ZHX1: variants seen among roughly 807,000 people sequenced by gnomAD.
ZHX1 encodes zinc fingers and homeoboxes protein 1.
In ZHX1, 20 loss-of-function variants were observed where a neutral mutation model predicts 61.8. That is an observed-to-expected ratio of 0.32 (90% CI 0.23 to 0.47). The LOEUF (loss-of-function observed/expected upper bound fraction) is 0.47. ZHX1 is among the 20% of genes least tolerant of loss of function. The pLI is 1.00. For missense variants in ZHX1, 800 were observed against 1,034.8 expected (o/e 0.77, Z 3.11); for synonymous variants, 318 against 352.6 (o/e 0.90, Z 1.10).
intron 3 of ZHX1, 122 bp from the exon 4 acceptor site, chr8:123,250,442 A>G (rs1472935917): frequency 1.2e-5 from 4 of 336,184 alleles, no homozygotes; most frequent in Non-Finnish European, 2.3e-5. Flanking sequence ...TACCTGCCAC[A>G]TATGTCTTCC....
rs148194970 is a variant in ZHX1, at chr8:123,269,089, T to C, written c.-339-1703A>G. ...TGTAGCCTGGGACTCTACAGTTTCA[T>C]TTCCTGGTATCTCCTTGTTCCGCCA... On this transcript the variant is annotated intron_variant, in intron 1 of 3. Coordinates refer to ENST00000395571, the MANE Select transcript of ZHX1 (RefSeq NM_007222.5). 1.6e-3 allele frequency among the ~76,000 whole-genome samples: 247 copies of C among 152,342 alleles called. 1 individual carries two copies. Among genetic ancestry groups the C allele is most frequent in the African/African-American group, 5.8e-3 (242 of 41,582 alleles).
At chr8:123,251,134 A>G (rs1825905220) in intron 3 of ZHX1, among the ~76,000 whole-genome samples, 1 of 152,174 alleles carries the variant, frequency 6.6e-6, no homozygotes, top group Non-Finnish European at 1.5e-5. Flanking sequence ...GTGAGTTCTC[A>G]GGAGATCTGG....
At chr8:123,261,225 G>C (rs901580603) in intron 2 of ZHX1, among the ~76,000 whole-genome samples, 2 of 152,044 alleles carry the variant, frequency 1.3e-5, no homozygotes, top group Admixed American at 1.3e-4. Flanking sequence ...AGGTATCCTC[G>C]GAATTATTAT....
intron 2 of ZHX1, among the ~76,000 whole-genome samples, chr8:123,256,572 T>C (rs941420988): frequency 6.6e-6 from 1 of 152,142 alleles, no homozygotes; most frequent in Non-Finnish European, 1.5e-5. Flanking sequence ...AAATTCAGCC[T>C]GGCCAACATG....
Position 123,254,243 on chromosome 8 carries a change from A to C in ZHX1, c.1704T>G (p.Thr568=). Residue 568 remains threonine (T), a synonymous_variant, in exon 3 of 4, where the codon ACT becomes ACG. Coordinates refer to ENST00000395571, the MANE Select transcript of ZHX1 (RefSeq NM_007222.5). This position sits in a 1 kb window ranked among gnomAD's most constrained non-coding sequence, Gnocchi z 4.1. The stretch of plus-strand genomic sequence containing the variant: ...CAGTTTTCTCTTTAAACTTTTGGGG[A>C]GTAAAGTCAGGAAAAGGATTCCAGG... ...KQSWNPFPDF[T]PQKFKEKTAE... 1 of 1,614,134 alleles carries C rather than the reference A, an allele frequency of 6.2e-7. No individual in the cohort carries two copies. The highest frequency in any genetic ancestry group is 8.5e-7 in the Non-Finnish European group (1 of 1,180,026).
chr8:123,253,902 G>A lies in ZHX1; in HGVS notation c.2045C>T (p.Thr682Ile). The A allele has an allele frequency of 2.5e-6, 4 of 1,614,194 alleles. No individual in the cohort carries two copies. The highest frequency in any genetic ancestry group is 3.4e-6 in the Non-Finnish European group (4 of 1,180,030). ...LHMLKSAFVR[T>I]QWPSPEEYDK... Reference sequence around the variant, plus strand: ...ATACTCTTCTGGTGATGGCCACTGTGTCCGGACAAATGCACTCTTAAGCAT... The same window carrying A: ...ATACTCTTCTGGTGATGGCCACTGTATCCGGACAAATGCACTCTTAAGCAT... Residue 682 changes from threonine (T) to isoleucine (I), a missense_variant, in exon 3 of 4, where the codon ACA becomes ATA. Physicochemically the swap from Thr to Ile is moderately conservative, Grantham distance 89. Transcript: ENST00000395571.
Position 123,254,110 on chromosome 8 carries a change from C to T in ZHX1, c.1837G>A (p.Asp613Asn), listed in dbSNP as rs1012005221. Residue 613 changes from aspartate (D) to asparagine (N), a missense_variant, in exon 3 of 4, where the codon GAT becomes AAT. Coordinates refer to ENST00000395571, the MANE Select transcript of ZHX1 (RefSeq NM_007222.5). The surrounding 1 kb of genome is among the most constrained non-coding windows in gnomAD (Gnocchi z 4.1). ...TTCTTCTTCTCTGTAAACCAAGCAT[C>T]GATTTCTCTTCTGGTAAGTTTGGTT... ...AQTKLTRREI[D>N]AWFTEKKKSK... 15 of 1,613,980 alleles carry T rather than the reference C, an allele frequency of 9.3e-6. No individual in the cohort carries two copies. Among genetic ancestry groups the T allele is most frequent in the South Asian group, 2.2e-5 (2 of 91,088 alleles).
intron 2 of ZHX1, among the ~76,000 whole-genome samples, chr8:123,260,414 C>T (rs538201295): frequency 6.6e-6 from 1 of 151,620 alleles, no homozygotes; most frequent in Admixed American, 6.6e-5. Flanking sequence ...GGCTGGCCAA[C>T]ATGGTGAAAT....
intron 2 of ZHX1, chr8:123,262,985 G>A (rs1021040711): frequency 6.8e-6 from 1 of 148,142 alleles, no homozygotes; most frequent in Non-Finnish European, 1.5e-5. Context: ...AGAGAGGAAA[G>A]TAGGAAGGAA....
At chr8:123,268,717 C>A (rs749651743) in intron 1 of ZHX1, among the ~76,000 whole-genome samples, 6 of 152,198 alleles carry the variant, frequency 3.9e-5, no homozygotes, top group Admixed American at 6.5e-5. Context: ...GTCTCTATCT[C>A]CTGAGCTCAA....
At chr8:123,250,450 T>C (rs1184783888) in intron 3 of ZHX1, 130 bp from the exon 4 acceptor site, 1 of 332,370 alleles carries the variant, frequency 3.0e-6, no homozygotes, top group Non-Finnish European at 5.9e-6. Flanking sequence ...ACATATGTCT[T>C]CCATAATACA....
chr8:123,258,762 G>A (rs750741669), intron 2 of ZHX1, among the ~76,000 whole-genome samples: 1 of 151,830 alleles, frequency 6.6e-6, no homozygotes, highest in Non-Finnish European at 1.5e-5. Flanking sequence ...AAATGAATTA[G>A]GATCATAAAA....
chr8:123,255,372 T>G lies in ZHX1; in HGVS notation c.575A>C (p.Glu192Ala). Reference protein sequence around the residue: ...PIMKMMKNKVENKRIAVHHNS... With the variant: ...PIMKMMKNKVANKRIAVHHNS... ...ATGATGAACTGCAATCCGTTTATTT[T>G]CCACTTTATTTTTCATCATTTTCAT... Residue 192 changes from glutamate to alanine, a missense_variant, in exon 3 of 4, where the codon GAA becomes GCA. Glu to Ala is a moderately radical substitution (Grantham distance 107). Coordinates refer to ENST00000395571, the MANE Select transcript of ZHX1 (RefSeq NM_007222.5). 3 of 1,613,838 alleles carry G rather than the reference T, an allele frequency of 1.9e-6. No homozygotes were observed. Among genetic ancestry groups the G allele is most frequent in the Non-Finnish European group, 2.5e-6 (3 of 1,180,000 alleles).
In ZHX1 at chr8:123,255,270, C is replaced by A. The variant is rs760635874; in HGVS notation, c.677G>T (p.Ser226Ile). Residue 226 changes from serine to isoleucine, a missense_variant, in exon 3 of 4, where the codon AGT becomes ATT. Transcript: ENST00000395571. ...TGTATTAGATTCAGAAGCTGAAGAA[C>A]TTGGATTTTCTACAATTTCTTCACG... ...PDREEIVENP[S>I]SSASESNTST... 7.4e-6 allele frequency: 12 copies of A among 1,614,040 alleles called. No homozygotes were observed. The highest frequency in any genetic ancestry group is 1.0e-5 in the Non-Finnish European group (12 of 1,180,040).
At chr8:123,273,318 C>A (rs1411445827) in intron 1 of ZHX1, among the ~76,000 whole-genome samples, 4 of 152,224 alleles carry the variant, frequency 2.6e-5, no homozygotes, top group African/African-American at 9.7e-5. Flanking sequence ...CAGGGCTCTT[C>A]TTTCCTGCCC....
At chr8:123,269,473 C>T (rs1826570870) in intron 1 of ZHX1, among the ~76,000 whole-genome samples, 1 of 151,968 alleles carries the variant, frequency 6.6e-6, no homozygotes, top group Admixed American at 6.6e-5. Context: ...GAGTGAATTC[C>T]AAAAATTAAA....
intron 3 of ZHX1, among the ~76,000 whole-genome samples, chr8:123,250,574 T>C (rs925306563): frequency 2.0e-5 from 3 of 152,228 alleles, no homozygotes; most frequent in Admixed American, 1.3e-4. Context: ...GCAGGGAGTA[T>C]ATATTTCATT....
intron 2 of ZHX1, among the ~76,000 whole-genome samples, chr8:123,265,538 A>T (rs573357907): frequency 3.0e-4 from 46 of 152,352 alleles, no homozygotes; most frequent in African/African-American, 1.1e-3. Flanking sequence ...AAAAAAAATA[A>T]AGGTGATTTT....
upstream of ZHX1, among the ~76,000 whole-genome samples, chr8:123,274,704 G>A (rs1826789886): frequency 6.6e-6 from 1 of 151,174 alleles, no homozygotes; most frequent in South Asian, 2.1e-4. Flanking sequence ...AAATGGCCCC[G>A]CCCTTTGCCT....
Sources: allele counts gnomAD v4.1 joint callset (sites outside exome capture counted in the v4.1 genomes callset), GRCh38; gene constraint gnomAD v4.1.1; non-coding constraint Gnocchi (gnomAD v3.1); transcripts MANE v1.5; gene names NCBI Gene and HGNC (gene_info 2026-07-23, HGNC 2026-07-21).